The following ZNF423 variants were observed in gnomAD, a reference collection of about 807,000 sequenced individuals.
The protein encoded by ZNF423 is Ebf-associated zinc finger protein.
In ZNF423, 12 loss-of-function variants were observed where a neutral mutation model predicts 95.8. The ratio of observed to expected loss-of-function variants is 0.13; its 90% CI spans 0.08 to 0.20. The LOEUF is 0.20. Ranked by LOEUF, ZNF423 falls within the 10% of genes least tolerant of loss-of-function variation. The probability of loss-of-function intolerance (pLI) is 1.00; values close to 1 mark genes in which losing one functional copy is unlikely to be tolerated. For synonymous variants in ZNF423, 749 were observed against 711.9 expected, an observed-to-expected ratio of 1.05 and a Z score of -0.83; for missense variants, 1,316 against 1,737.1, an observed-to-expected ratio of 0.76 and a Z score of 4.31.
chr16:49,737,950 G>C (rs1387792416), intron 2 of ZNF423, among the ~76,000 whole-genome samples: 1 of 152,186 alleles, frequency 6.6e-6, no homozygotes, highest in Non-Finnish European at 1.5e-5. Flanking sequence ...CACCATCAGA[G>C]GTCCCACCTC....
intron 2 of ZNF423, among the ~76,000 whole-genome samples, chr16:49,752,585 C>T (rs1009364534): frequency 6.6e-6 from 1 of 152,236 alleles, no homozygotes; most frequent in South Asian, 2.1e-4. Context: ...AGCAAGCAGG[C>T]TTGCTCCAGG....
At chr16:49,769,193 T>C (rs185085031) in intron 2 of ZNF423, among the ~76,000 whole-genome samples, 2 of 151,854 alleles carry the variant, frequency 1.3e-5, no homozygotes, top group East Asian at 3.9e-4. Flanking sequence ...CCATCTCTAC[T>C]AAAAATAAAA....
In ZNF423 at chr16:49,800,042, G is replaced by A. The variant is rs560838430; in HGVS notation, c.41-10496C>T. Among the ~76,000 whole-genome samples, 4 of 152,230 alleles carry A rather than the reference G, an allele frequency of 2.6e-5. No homozygotes were observed. The East Asian group carries it at 5.8e-4, about 22-fold the overall frequency. On this transcript the variant is annotated intron_variant, in intron 1 of 7. Transcript: ENST00000563137. The stretch of plus-strand genomic sequence containing the variant: ...GCAGATCACTTGAGGCTAGGAGTTC[G>A]AGACCAGCCTGGCCAACATGGCAAA...
intron 7 of ZNF423, among the ~76,000 whole-genome samples, chr16:49,506,702 A>G (rs12931338): frequency 0.62 from 94,829 of 151,958 alleles, 30,886 homozygotes; most frequent in African/African-American, 0.83. Flanking sequence ...TGGAAGGATC[A>G]GTGGACAGAT....
chr16:49,688,089 A>G (rs1208069814), intron 3 of ZNF423, among the ~76,000 whole-genome samples: 19 of 29,178 alleles, frequency 6.5e-4, no homozygotes, highest in African/African-American at 8.6e-4. Flanking sequence ...TCCCTGGTTG[A>G]GAGGGAAAAA....
chr16:49,798,389 T>A (rs1184257441), intron 1 of ZNF423, among the ~76,000 whole-genome samples: 1 of 151,944 alleles, frequency 6.6e-6, no homozygotes, highest in Non-Finnish European at 1.5e-5. Flanking sequence ...ACACCTATAA[T>A]CCCAGCTACT....
In ZNF423 at chr16:49,753,212, C is replaced by A. The variant is rs2033663935; in HGVS notation, c.101-22241G>T. 2.0e-5 allele frequency among the ~76,000 whole-genome samples: 3 copies of A among 152,098 alleles called. No individual in the cohort carries two copies. The South Asian group carries it at 6.2e-4, about 32-fold the overall frequency. On this transcript the variant is annotated intron_variant, in intron 2 of 7. Transcript: ENST00000563137. ...TGAGCCAAGATCATGCCACTGCACT[C>A]CATCCTGGGCAACAGAGCAAGACTC...
chr16:49,659,514 C>A (rs2030085228), intron 3 of ZNF423, among the ~76,000 whole-genome samples: 1 of 152,234 alleles, frequency 6.6e-6, no homozygotes, highest in Admixed American at 6.5e-5. Context: ...GAGGGACTTG[C>A]CCCAGGGCAG....
At chr16:49,677,616 C>T (rs896809256) in intron 3 of ZNF423, among the ~76,000 whole-genome samples, 1 of 151,788 alleles carries the variant, frequency 6.6e-6, no homozygotes, top group African/African-American at 2.4e-5. Context: ...GAGACCCTGT[C>T]TCTATAAAAT....
At chr16:49,532,071 T>C (rs1436243986) in intron 5 of ZNF423, among the ~76,000 whole-genome samples, 1 of 152,240 alleles carries the variant, frequency 6.6e-6, no homozygotes, top group East Asian at 1.9e-4. Context: ...TTGACCAATA[T>C]TCTATGTGGA....
intron 7 of ZNF423, among the ~76,000 whole-genome samples, chr16:49,495,604 A>G (rs1967137283): frequency 6.6e-6 from 1 of 152,208 alleles, no homozygotes. Context: ...CCTGATCCTG[A>G]ACCCAATCCA....
intron 3 of ZNF423, among the ~76,000 whole-genome samples, chr16:49,680,554 G>C (rs1408603287): frequency 1.3e-5 from 2 of 152,170 alleles, no homozygotes; most frequent in Non-Finnish European, 2.9e-5. Context: ...ACCTTCCTTG[G>C]GGTTCTGTGG....
chr16:49,514,252 A>G lies in ZNF423; in HGVS notation c.3849+9372T>C, dbSNP rs542680016. Among the ~76,000 whole-genome samples the G allele has an allele frequency of 1.1e-4, 16 of 144,612 alleles. No individual in the cohort carries two copies. The South Asian group carries it at 1.3e-3, about 12-fold the overall frequency. 94.9% of individuals were successfully genotyped at this position (144,612 alleles called of 152,430 possible). ...CGTACACACACACGCACACGCACAC[A>G]CACACACACATGCACATACACACAC... On this transcript the variant is annotated intron_variant, in intron 7 of 7. Coordinates refer to ENST00000563137, the MANE Select transcript of ZNF423 (RefSeq NM_001379286.1).
chr16:49,512,235 G>A (rs972968561), intron 7 of ZNF423, among the ~76,000 whole-genome samples: 24 of 152,310 alleles, frequency 1.6e-4, no homozygotes, highest in African/African-American at 5.5e-4. Context: ...GCTAGATTGA[G>A]CACGTCCACA....
upstream of ZNF423, among the ~76,000 whole-genome samples, chr16:49,858,393 C>A (rs1239300759): frequency 1.3e-5 from 2 of 151,960 alleles, no homozygotes; most frequent in Non-Finnish European, 2.9e-5. The surrounding 1 kb of genome is among the most constrained non-coding windows in gnomAD (Gnocchi z 4.3). Context: ...ATGCCACCCA[C>A]GCACCCCCGC....
chr16:49,584,860 A>G (rs1970775633), intron 5 of ZNF423, among the ~76,000 whole-genome samples: 1 of 152,230 alleles, frequency 6.6e-6, no homozygotes, highest in South Asian at 2.1e-4. Context: ...TTCAATATGT[A>G]GAATGCACCG....
chr16:49,700,175 G>C (rs1475790605), intron 3 of ZNF423, among the ~76,000 whole-genome samples: 33 of 55,476 alleles, frequency 5.9e-4, no homozygotes, highest in African/African-American at 2.3e-3. Context: ...AAAGAAAAAG[G>C]AAAAAGAGGC....
chr16:49,827,406 G>T (rs1396187204), intron 1 of ZNF423, among the ~76,000 whole-genome samples: 1 of 152,150 alleles, frequency 6.6e-6, no homozygotes, highest in Non-Finnish European at 1.5e-5. Flanking sequence ...AGCTCCAGGA[G>T]GGCAGGGGTT....
chr16:49,846,094 G>A (rs1490030783), intron 1 of ZNF423, among the ~76,000 whole-genome samples: 1 of 152,056 alleles, frequency 6.6e-6, no homozygotes, highest in African/African-American at 2.4e-5. Flanking sequence ...CTGAGGTTAG[G>A]AGTTCGAGAC....
Sources: gnomAD v4.1 joint callset for allele counts (sites outside exome capture counted in the v4.1 genomes callset) on GRCh38, gnomAD v4.1.1 for gene constraint, Gnocchi (gnomAD v3.1) non-coding constraint, MANE v1.5 for transcripts, NCBI Gene and HGNC (gene_info 2026-07-23, HGNC 2026-07-21) for gene names.